The following DNAJC6 variants were observed in gnomAD, a reference collection of about 807,000 sequenced individuals.
The protein encoded by DNAJC6 is DnaJ heat shock protein family (Hsp40) member C6.
In DNAJC6, 34 loss-of-function variants were observed where a neutral mutation model predicts 110.0. That is an observed-to-expected ratio of 0.31 (90% CI 0.24 to 0.41). DNAJC6 has a LOEUF of 0.41. Ranked by LOEUF, DNAJC6 falls within the 10% of genes least tolerant of loss-of-function variation. The pLI is 1.00. For synonymous variants in DNAJC6, 406 were observed against 437.2 expected (o/e 0.93, Z 0.89); for missense variants, 1,031 against 1,207.8 (o/e 0.85, Z 2.17).
chr1:65,282,502 G>C (rs1428064212), intron 1 of DNAJC6, among the ~76,000 whole-genome samples: 1 of 152,152 alleles, frequency 6.6e-6, no homozygotes, highest in Non-Finnish European at 1.5e-5. Context: ...GGGGATTAGG[G>C]CCAGACTTTC....
In DNAJC6 at chr1:65,398,863, GACTGGC is replaced by G; in HGVS notation, c.2091_2096del (p.Trp698_His699del). On this transcript the variant is annotated inframe_deletion, in exon 14 of 19. Coordinates refer to ENST00000371069, the MANE Select transcript of DNAJC6 (RefSeq NM_001256864.2). ...TCAGCCAGATGTTTCTGGAGGTTGG[GACTGGC>G]ATGCTAAACCAGGTAAAAGCAGGTT... 2 of 1,614,046 alleles carry G rather than the reference GACTGGC, an allele frequency of 1.2e-6. No homozygotes were observed. Among genetic ancestry groups the G allele is most frequent in the Non-Finnish European group, 1.7e-6 (2 of 1,179,978 alleles).
chr1:65,270,152 C>G (rs1570192164), intron 1 of DNAJC6, among the ~76,000 whole-genome samples: 1 of 152,190 alleles, frequency 6.6e-6, no homozygotes, highest in East Asian at 1.9e-4. Context: ...ATCATAAAAT[C>G]TATATACAAG....
At chr1:65,337,523 A>G (rs980278917) in intron 1 of DNAJC6, among the ~76,000 whole-genome samples, 8 of 151,594 alleles carry the variant, frequency 5.3e-5, no homozygotes, top group East Asian at 1.9e-4. Context: ...ATTATTATGA[A>G]CTCATATTTT....
chr1:65,270,386 T>C (rs1433611572), intron 1 of DNAJC6, among the ~76,000 whole-genome samples: 2 of 152,280 alleles, frequency 1.3e-5, no homozygotes, highest in East Asian at 3.9e-4. Flanking sequence ...ATACAAAATA[T>C]TTTTATATGT....
chr1:65,307,948 A>C (rs114911367), upstream of DNAJC6, among the ~76,000 whole-genome samples: 427 of 152,346 alleles, frequency 2.8e-3, 1 homozygote, highest in African/African-American at 9.9e-3. Flanking sequence ...GCAACTGGCC[A>C]GGAAGTTTAG....
chr1:65,291,287 C>T (rs1358813851), intron 1 of DNAJC6, among the ~76,000 whole-genome samples: 1 of 152,182 alleles, frequency 6.6e-6, no homozygotes, highest in Non-Finnish European at 1.5e-5. Context: ...CCCACCTTGG[C>T]CTCCCAAACT....
intron 16 of DNAJC6, among the ~76,000 whole-genome samples, chr1:65,406,638 G>A (rs1646079473): frequency 6.6e-6 from 1 of 152,148 alleles, no homozygotes; most frequent in African/African-American, 2.4e-5. Flanking sequence ...GGAAAACTTG[G>A]TCTTTCTTAT....
At chr1:65,294,918 T>A (rs890378865) in intron 1 of DNAJC6, among the ~76,000 whole-genome samples, 3 of 152,216 alleles carry the variant, frequency 2.0e-5, no homozygotes, top group Non-Finnish European at 4.4e-5. Context: ...GTTGAATATG[T>A]AAGGATTCTA....
In DNAJC6 at chr1:65,408,330, G is replaced by C. The variant is rs188688963; in HGVS notation, c.2492-311G>C. ...CCAGTGCCAACACTGATATGAGTTA[G>C]TTATAATCTGGAGGGATAATGAGTA... On this transcript the variant is annotated intron_variant, in intron 16 of 18. Transcript: ENST00000371069. Among the ~76,000 whole-genome samples, 23 of 152,314 alleles carry C rather than the reference G, an allele frequency of 1.5e-4. No homozygotes were observed. The East Asian group carries it at 4.4e-3, about 29-fold the overall frequency.
intron 1 of DNAJC6, among the ~76,000 whole-genome samples, chr1:65,323,384 A>T (rs574253031): frequency 6.6e-6 from 1 of 151,912 alleles, no homozygotes; most frequent in Admixed American, 6.6e-5. Context: ...TTCCTTTCTC[A>T]CTTTCTCTTT....
chr1:65,362,383 C>A (rs1204419055), intron 1 of DNAJC6, among the ~76,000 whole-genome samples: 3 of 151,974 alleles, frequency 2.0e-5, no homozygotes, highest in Non-Finnish European at 4.4e-5. Flanking sequence ...TTTTATTATT[C>A]TTTATTTTGA....
At chr1:65,379,669 A>T in intron 5 of DNAJC6, 145 bp downstream of exon 5, 1 of 1,223,606 alleles carries the variant, frequency 8.2e-7, no homozygotes, top group Non-Finnish European at 1.1e-6. Flanking sequence ...AGAGTTGTAA[A>T]AATAAGAAAG....
intron 1 of DNAJC6, among the ~76,000 whole-genome samples, chr1:65,347,339 A>G (rs1237108076): frequency 6.6e-6 from 1 of 151,402 alleles, no homozygotes; most frequent in Non-Finnish European, 1.5e-5. Context: ...TAGAGAAGTG[A>G]GTTAATCATA....
chr1:65,305,854 C>T (rs1645032019), upstream of DNAJC6, among the ~76,000 whole-genome samples: 1 of 151,760 alleles, frequency 6.6e-6, no homozygotes, highest in African/African-American at 2.4e-5. Flanking sequence ...GAAAAAGTGA[C>T]ATTTTAAAAA....
intron 1 of DNAJC6, among the ~76,000 whole-genome samples, chr1:65,299,526 T>C (rs1644957989): frequency 6.6e-6 from 1 of 152,234 alleles, no homozygotes; most frequent in Non-Finnish European, 1.5e-5. Context: ...CACAATAGAC[T>C]GAGCTATGTT....
At chr1:65,292,330 T>G (rs1034432298) in intron 1 of DNAJC6, among the ~76,000 whole-genome samples, 7 of 151,176 alleles carry the variant, frequency 4.6e-5, no homozygotes, top group Non-Finnish European at 5.9e-5. Context: ...GTTTTTTTTT[T>G]TTGTTTTTTT....
At chr1:65,406,807 G>A (rs554602234) in intron 16 of DNAJC6, among the ~76,000 whole-genome samples, 1 of 152,152 alleles carries the variant, frequency 6.6e-6, no homozygotes, top group African/African-American at 2.4e-5. Flanking sequence ...GCCTATTTTG[G>A]TACATTTTAT....
intron 4 of DNAJC6, among the ~76,000 whole-genome samples, chr1:65,369,478 T>C (rs1645685378): frequency 6.6e-6 from 1 of 152,224 alleles, no homozygotes; most frequent in Non-Finnish European, 1.5e-5. Context: ...GTGCTACGTC[T>C]GAAATTAAAC....
chr1:65,358,157 C>T (rs1207575049), intron 1 of DNAJC6, among the ~76,000 whole-genome samples: 9 of 113,346 alleles, frequency 7.9e-5, no homozygotes, highest in Non-Finnish European at 1.3e-4. Context: ...CTGGCCTGGG[C>T]GATAGAGCGA....
Sources: allele counts gnomAD v4.1 joint callset (sites outside exome capture counted in the v4.1 genomes callset), GRCh38; gene constraint gnomAD v4.1.1; transcripts MANE v1.5; gene names NCBI Gene and HGNC (gene_info 2026-07-23, HGNC 2026-07-21).